RASL10A: variants seen among roughly 807,000 people sequenced by gnomAD.
RASL10A encodes RAS like family 10 member A, also known as ras-like protein family member 10A.
RASL10A carries 13 observed loss-of-function variants against 17.3 expected under a neutral mutation model. That is an observed-to-expected ratio of 0.75 (90% CI 0.49 to 1.20). The LOEUF (loss-of-function observed/expected upper bound fraction) is 1.20, where lower values mean the gene tolerates loss of function less well. Among genes scored for constraint, RASL10A ranks in the 50% most tolerant of loss-of-function variants. The probability of loss-of-function intolerance (pLI) is 0.00; values close to 1 mark genes in which losing one functional copy is unlikely to be tolerated. For missense variants in RASL10A, 307 were observed against 310.3 expected, an observed-to-expected ratio of 0.99 and a Z score of 0.08; for synonymous variants, 159 against 142.2, an observed-to-expected ratio of 1.12 and a Z score of -0.84.
chr22:29,313,515 C>A lies in RASL10A; in HGVS notation c.398G>T (p.Arg133Met). The stretch of plus-strand genomic sequence containing the variant: ...CCGCGGTCCGAAGCGCAGCCGCTGC[C>A]TGTCCCGCTTGTTGCCTACCACGAG... ...PILVVGNKRD[R>M]QRLRFGPRRA... Residue 133 changes from arginine (R) to methionine (M), a missense_variant, in exon 3 of 3, where the codon AGG becomes ATG. Arg to Met is a moderately conservative substitution (Grantham distance 91). Transcript: ENST00000216101. The A allele has an allele frequency of 6.4e-7, 1 of 1,573,816 alleles. No individual in the cohort carries two copies. The highest frequency in any genetic ancestry group is 2.3e-5 in the East Asian group (1 of 43,424).
rs1214441634 is a variant in RASL10A, at chr22:29,313,293, C to T, written c.*8G>A. The stretch of plus-strand genomic sequence containing the variant: ...GGTGGGGCCCATGGATGGCACTGTC[C>T]GATCGGGTCACATGAGGCTGCAGCG... On this transcript the variant is annotated 3_prime_UTR_variant, in exon 3 of 3. Transcript: ENST00000216101. 2 of 1,493,162 alleles carry T rather than the reference C, an allele frequency of 1.3e-6. No individual in the cohort carries two copies. The highest frequency in any genetic ancestry group is 1.8e-6 in the Non-Finnish European group (2 of 1,118,484). The allele number at this position is 1,493,162 out of a possible 1,614,324, so 92.5% of individuals were successfully genotyped here.
At position 29,315,117 on chromosome 22, in the gene RASL10A, G is replaced by T. The variant is rs1208346431; in HGVS notation, c.130C>A (p.Pro44Thr). 5 of 1,531,394 alleles carry T rather than the reference G, an allele frequency of 3.3e-6. No homozygotes were observed. The highest frequency in any genetic ancestry group is 3.5e-6 in the Non-Finnish European group (4 of 1,143,570). 94.9% of individuals were successfully genotyped at this position (1,531,394 alleles called of 1,614,324 possible). A position where few individuals can be genotyped will look rare whatever the true frequency, so the allele number is the denominator to read the frequency against. ...ACGGCGCCGTCGAGCAGCACCGCGG[G>T]TCGGTAGAGGCGCGGCCCGTCCGTG... ...RPTDGPRLYRPAVLLDGAVYD... is the reference protein window; with the variant it reads ...RPTDGPRLYRTAVLLDGAVYD... Residue 44 changes from proline to threonine, a missense_variant, in exon 1 of 3, where the codon CCC (proline) becomes ACC (threonine). Transcript: ENST00000216101. The surrounding 1 kb of genome is among the most constrained non-coding windows in gnomAD (Gnocchi z 5.5).
At chr22:29,317,956 G>C (rs752290694), upstream of RASL10A, among the ~76,000 whole-genome samples, 1 of 152,042 alleles carries the variant, frequency 6.6e-6, no homozygotes, top group Admixed American at 6.6e-5. Context: ...AAAGTGCTGG[G>C]GTTTCAGGCA....
At chr22:29,314,319 A>C in intron 1 of RASL10A, 2 of 258,028 alleles carry the variant, frequency 7.8e-6, no homozygotes, top group Non-Finnish European at 1.5e-5. Flanking sequence ...GACTAATTCC[A>C]AAGCCCTTGG....
chr22:29,318,123 A>C (rs1484863038), upstream of RASL10A, among the ~76,000 whole-genome samples: 1 of 152,156 alleles, frequency 6.6e-6, no homozygotes. Context: ...TCTGGCTCCC[A>C]GTATGTGTTT....
rs748823269 is a variant in RASL10A, at chr22:29,313,556, C to A, written c.357G>T (p.Ala119=). Residue 119 remains alanine, a synonymous_variant, in exon 3 of 3, where the codon GCG becomes GCT. Transcript: ENST00000216101. ...QRIAETRPAG[A]PEAPILVVGN... is the part of the protein sequence containing the mutation. ...CTACCACGAGGATGGGCGCTTCGGG[C>A]GCGCCCGCCGGCCTGGGGGCCGAAT... is the stretch of plus-strand genomic sequence containing the variant. 1 of 1,528,782 alleles carries A rather than the reference C, an allele frequency of 6.5e-7. No homozygotes were observed. The highest frequency in any genetic ancestry group is 8.7e-7 in the Non-Finnish European group (1 of 1,149,686). The allele number at this position is 1,528,782 out of a possible 1,614,324, so 94.7% of individuals were successfully genotyped here.
upstream of RASL10A, among the ~76,000 whole-genome samples, chr22:29,316,543 GC>G (rs2061455120): frequency 6.6e-6 from 1 of 152,100 alleles, no homozygotes; most frequent in South Asian, 2.1e-4. Context: ...GGCGCCCAGA[GC>G]CCAAGTTCCC....
intron 1 of RASL10A, 105 bp from the exon 2 acceptor site, chr22:29,314,092 A>C: frequency 1.4e-6 from 2 of 1,453,260 alleles, no homozygotes; most frequent in Non-Finnish European, 1.8e-6. Context: ...CATCACCCCC[A>C]TACAGACCTC....
chr22:29,318,003 G>A (rs1569146115), upstream of RASL10A, among the ~76,000 whole-genome samples: 1 of 152,156 alleles, frequency 6.6e-6, no homozygotes, highest in Non-Finnish European at 1.5e-5. Context: ...TCTTTTTTAA[G>A]GTGTTCTCAA....
Position 29,315,208 on chromosome 22 carries a change from C to T in RASL10A, c.39G>A (p.Pro13=). Residue 13 remains proline (P), a synonymous_variant, in exon 1 of 3, where the codon CCG becomes CCA. Transcript: ENST00000216101. This position sits in a 1 kb window ranked among gnomAD's most constrained non-coding sequence, Gnocchi z 5.5. ...GGATGATGGCCGTCTTGCCCACGCC[C>T]GGGGCGCCTAGAACGGCCACCCGCA... is the stretch of plus-strand genomic sequence containing the variant. ...GSLRVAVLGA[P]GVGKTAIIRQ... is the part of the protein sequence containing the mutation. 6.5e-7 allele frequency: 1 copy of T among 1,527,854 alleles called. No individual in the cohort carries two copies. Among genetic ancestry groups the T allele is most frequent in the Non-Finnish European group, 8.7e-7 (1 of 1,145,344 alleles). 94.6% of individuals were successfully genotyped at this position (1,527,854 alleles called of 1,614,324 possible).
rs1444347928 is a variant in RASL10A, at chr22:29,313,313, G to A, written c.600C>T (p.Cys200=). ...CTGTCCGATCGGGTCACATGAGGCT[G>A]CAGCGCGCGGGATGCAGCGCCCCCT... The part of the protein sequence containing the change: ...RLQGALHPAR[C]SLM The change falls in exon 3 of 3, where the codon TGC becomes TGT. Residue 200 remains cysteine, a synonymous_variant. Transcript: ENST00000216101. 1 of 1,521,174 alleles carries A rather than the reference G, an allele frequency of 6.6e-7. No homozygotes were observed. The allele number at this position is 1,521,174 out of a possible 1,614,324, so 94.2% of individuals were successfully genotyped here.
chr22:29,316,842 GGA>G (rs1491466812), upstream of RASL10A: 2 of 149,580 alleles, frequency 1.3e-5, no homozygotes, highest in Non-Finnish European at 3.0e-5. Context: ...ACAGAAAACA[GGA>G]AAAAAAAAAA....
intron 1 of RASL10A, 134 bp from the exon 2 acceptor site, chr22:29,314,121 T>C (rs1003962936): frequency 1.2e-5 from 15 of 1,258,530 alleles, no homozygotes; most frequent in Non-Finnish European, 1.6e-5. Flanking sequence ...TCCCCCAAGC[T>C]TTCCGGGCCG....
Position 29,315,414 on chromosome 22 carries a change from G to A in RASL10A, c.-168C>T, listed in dbSNP as rs2061448010. On this transcript the variant is annotated 5_prime_UTR_variant, in exon 1 of 3. Coordinates refer to ENST00000216101, the MANE Select transcript of RASL10A (RefSeq NM_006477.5). The surrounding 1 kb of genome is among the most constrained non-coding windows in gnomAD (Gnocchi z 5.5). ...GACCGGAGAGGGCAGGCCCGAGGCAGGAGCTGGCGGCGGGAGGGCAGACAG... is the reference window on the plus strand; with the variant it reads ...GACCGGAGAGGGCAGGCCCGAGGCAAGAGCTGGCGGCGGGAGGGCAGACAG... 3 of 352,682 alleles carry A rather than the reference G, an allele frequency of 8.5e-6. No individual in the cohort carries two copies. The highest frequency in any genetic ancestry group is 2.8e-4 in the South Asian group (2 of 7,088). The allele number at this position is 352,682 out of a possible 1,614,324, so 21.8% of individuals were successfully genotyped here. A position where few individuals can be genotyped will look rare whatever the true frequency, so the allele number is the denominator to read the frequency against.
At chr22:29,313,680 C>G (rs908455634) in intron 2 of RASL10A, 112 bp from the exon 3 acceptor site, 33 of 1,417,590 alleles carry the variant, frequency 2.3e-5, no homozygotes, top group Middle Eastern at 2.6e-4. Flanking sequence ...CACCGCCCCC[C>G]CCGCCGCCCC....
rs751275029 is a variant in RASL10A, at chr22:29,313,482, AGC to A, written c.429_430del (p.Leu144GlyfsTer116). The A allele has an allele frequency of 1.3e-6, 2 of 1,554,560 alleles. No homozygotes were observed. Among genetic ancestry groups the A allele is most frequent in the Non-Finnish European group, 1.7e-6 (2 of 1,156,980 alleles). ...CCAGCCCCTGCGCACTAGGGCGGCC[AGC>A]GCGCGCCGCGGTCCGAAGCGCAGCC... On this transcript the variant is annotated frameshift_variant, in exon 3 of 3. Transcript: ENST00000216101. LOFTEE classifies it high-confidence loss of function.
chr22:29,313,841 G>T (rs2061436413), intron 2 of RASL10A, 22 bp downstream of exon 2: 1 of 1,611,468 alleles, frequency 6.2e-7, no homozygotes, highest in Admixed American at 1.7e-5. Context: ...GCTCCCCACC[G>T]CCAGAACTGC....
In RASL10A at chr22:29,315,505, A is replaced by C. The variant is rs2061448757; in HGVS notation, c.-259T>G. 1 of 231,780 alleles carries C rather than the reference A, an allele frequency of 4.3e-6. No homozygotes were observed. Among genetic ancestry groups the C allele is most frequent in the Non-Finnish European group, 8.2e-6 (1 of 121,216 alleles). 14.4% of individuals were successfully genotyped at this position (231,780 alleles called of 1,614,324 possible). On this transcript the variant is annotated 5_prime_UTR_variant, in exon 1 of 3. Coordinates refer to ENST00000216101, the MANE Select transcript of RASL10A (RefSeq NM_006477.5). This position sits in a 1 kb window ranked among gnomAD's most constrained non-coding sequence, Gnocchi z 5.5. ...TCGGGCGGGTGCCGAAGCTCGAGAG[A>C]GAGCAGAGCCGGAGCGGCGCTCAGA... is the stretch of plus-strand genomic sequence containing the variant.
At chr22:29,319,723 A>G (rs1343249865), upstream of RASL10A, 2 of 152,294 alleles carry the variant, frequency 1.3e-5, no homozygotes, top group African/African-American at 4.8e-5. Context: ...GCAGTGGCTC[A>G]CGCCTGTAAT....
Sources: gnomAD v4.1 joint callset for allele counts (sites outside exome capture counted in the v4.1 genomes callset) on GRCh38, gnomAD v4.1.1 for gene constraint, Gnocchi (gnomAD v3.1) non-coding constraint, MANE v1.5 for transcripts, NCBI Gene and HGNC (gene_info 2026-07-23, HGNC 2026-07-21) for gene names.